CAMTA1: variants seen among roughly 807,000 people sequenced by gnomAD.
CAMTA1 encodes the protein calmodulin-binding transcription activator 1.
A neutral mutation model predicts 170.9 loss-of-function variants in CAMTA1; 27 were observed. The observed-to-expected ratio is 0.16, with a 90% CI of 0.12 to 0.22. The LOEUF (loss-of-function observed/expected upper bound fraction) is 0.22, where lower values mean the gene tolerates loss of function less well. Among genes scored for constraint, CAMTA1 ranks in the 10% least tolerant of loss-of-function variants. The pLI is 1.00. For missense variants in CAMTA1, 1,619 were observed against 2,217.2 expected, an observed-to-expected ratio of 0.73 and a Z score of 5.42; for synonymous variants, 833 against 891.5, an observed-to-expected ratio of 0.93 and a Z score of 1.17.
intron 6 of CAMTA1, among the ~76,000 whole-genome samples, chr1:7,470,189 C>T (rs972732257): frequency 5.9e-5 from 9 of 152,210 alleles, no homozygotes; most frequent in Admixed American, 5.9e-4. Flanking sequence ...AGAGGGAGCG[C>T]ACACAGGTGT....
intron 3 of CAMTA1, among the ~76,000 whole-genome samples, chr1:6,975,907 T>C (rs1693337866): frequency 6.6e-6 from 1 of 152,212 alleles, no homozygotes; most frequent in Non-Finnish European, 1.5e-5. Flanking sequence ...TAGTGCAGTA[T>C]GTGGCCTTTG....
At chr1:7,270,222 CATATATAT>C (rs945850518) in intron 5 of CAMTA1, among the ~76,000 whole-genome samples, 20 of 105,084 alleles carry the variant, frequency 1.9e-4, no homozygotes, top group South Asian at 1.8e-3. Context: ...TACATATATA[CATATATAT>C]ACACATATAT....
chr1:6,967,280 GA>G (rs1691730175), intron 3 of CAMTA1, among the ~76,000 whole-genome samples: 1 of 151,212 alleles, frequency 6.6e-6, no homozygotes, highest in Non-Finnish European at 1.5e-5. Flanking sequence ...AAGCCCATTG[GA>G]ACCCACCTGA....
intron 4 of CAMTA1, among the ~76,000 whole-genome samples, chr1:7,157,587 A>G (rs75093343): frequency 0.037 from 5,590 of 152,236 alleles, 332 homozygotes; most frequent in African/African-American, 0.13. Flanking sequence ...AGCTTCATAC[A>G]TTATTGATGG....
At chr1:7,372,853 A>C (rs1171399906) in intron 5 of CAMTA1, among the ~76,000 whole-genome samples, 1 of 152,206 alleles carries the variant, frequency 6.6e-6, no homozygotes, top group Admixed American at 6.5e-5. Context: ...AGCCGCCCGC[A>C]TAGCCACCAT....
chr1:7,621,318 A>G (rs2095596795), intron 6 of CAMTA1, among the ~76,000 whole-genome samples: 1 of 152,218 alleles, frequency 6.6e-6, no homozygotes, highest in Non-Finnish European at 1.5e-5. Context: ...TCACAGTGAC[A>G]GGCCACAGCC....
intron 4 of CAMTA1, among the ~76,000 whole-genome samples, chr1:7,153,514 C>T (rs1362324556): frequency 6.6e-6 from 1 of 152,126 alleles, no homozygotes. Context: ...CAGAAGGAGG[C>T]TCTGTTTCCT....
chr1:7,126,770 T>G (rs1336909776), intron 4 of CAMTA1, among the ~76,000 whole-genome samples: 2 of 152,152 alleles, frequency 1.3e-5, no homozygotes, highest in Non-Finnish European at 2.9e-5. Flanking sequence ...GGACTGCCAT[T>G]TCTTTTTTAT....
intron 3 of CAMTA1, among the ~76,000 whole-genome samples, chr1:7,073,229 T>G (rs181595816): frequency 6.6e-6 from 1 of 151,750 alleles, no homozygotes; most frequent in East Asian, 1.9e-4. Flanking sequence ...TCTACTGAGG[T>G]GGGGGGAAGC....
chr1:7,103,897 C>T (rs1350747912), intron 4 of CAMTA1, among the ~76,000 whole-genome samples: 1 of 148,106 alleles, frequency 6.8e-6, no homozygotes, highest in African/African-American at 2.5e-5. Flanking sequence ...ACACACAACA[C>T]ACAACTACAC....
At chr1:6,845,738 G>A (rs559059928) in intron 3 of CAMTA1, among the ~76,000 whole-genome samples, 18 of 152,298 alleles carry the variant, frequency 1.2e-4, no homozygotes, top group South Asian at 4.1e-4. Context: ...AAGCTAGAGC[G>A]TAGTAACTAA....
chr1:7,373,030 C>T (rs1243764083), intron 5 of CAMTA1, among the ~76,000 whole-genome samples: 1 of 152,186 alleles, frequency 6.6e-6, no homozygotes, highest in Non-Finnish European at 1.5e-5. Flanking sequence ...CTTGCCAGCT[C>T]CTTCCACCCC....
intron 3 of CAMTA1, among the ~76,000 whole-genome samples, chr1:7,034,366 G>T (rs1703262649): frequency 6.6e-6 from 1 of 152,116 alleles, no homozygotes; most frequent in African/African-American, 2.4e-5. Context: ...ATCTTGGCCG[G>T]GCTGGTCTTG....
In CAMTA1 at chr1:7,736,218, T is replaced by TTA; in HGVS notation, c.3067-125_3067-124insAT. 1.2e-6 allele frequency: 1 copy of TTA among 830,428 alleles called. No homozygotes were observed. Among genetic ancestry groups the TTA allele is most frequent in the Non-Finnish European group, 1.9e-6 (1 of 530,572 alleles). 51.4% of individuals were successfully genotyped at this position (830,428 alleles called of 1,614,324 possible). A position where few individuals can be genotyped will look rare whatever the true frequency, so the allele number is the denominator to read the frequency against. ...GCATGCCCAGCCAATGTTTCTTTAT[T>TTA]TTCAGTGTTTTATGTTTTCCGTTGT... On this transcript the variant is annotated intron_variant, in intron 12 of 22. Coordinates refer to ENST00000303635, the MANE Select transcript of CAMTA1 (RefSeq NM_015215.4). This position sits in a 1 kb window ranked among gnomAD's most constrained non-coding sequence, Gnocchi z 4.5.
intron 3 of CAMTA1, among the ~76,000 whole-genome samples, chr1:7,037,510 C>T (rs974033603): frequency 3.3e-5 from 5 of 152,040 alleles, no homozygotes; most frequent in African/African-American, 4.8e-5. Flanking sequence ...TATGCTACTT[C>T]GAAAAATGGA....
At chr1:7,291,265 G>A (rs1293361846) in intron 5 of CAMTA1, among the ~76,000 whole-genome samples, 2 of 152,108 alleles carry the variant, frequency 1.3e-5, no homozygotes, top group African/African-American at 4.8e-5. Context: ...ATCATCCATC[G>A]TGCTGGAGTG....
intron 10 of CAMTA1, among the ~76,000 whole-genome samples, chr1:7,672,944 G>C (rs1007053034): frequency 2.9e-4 from 44 of 152,302 alleles, no homozygotes; most frequent in Admixed American, 2.9e-3. Flanking sequence ...TGCTCGGCCT[G>C]GAGCACAGCC....
intron 5 of CAMTA1, among the ~76,000 whole-genome samples, chr1:7,464,643 C>G (rs1575467258): frequency 6.6e-6 from 1 of 152,132 alleles, no homozygotes; most frequent in Non-Finnish European, 1.5e-5. Context: ...GGCTGCTTTT[C>G]CTGCTGCTGT....
Position 6,922,686 on chromosome 1 carries a change from A to G in CAMTA1, c.234+97476A>G, listed in dbSNP as rs778848784. ...CACGGCATCCCTCCTGCCGAGTTCT[A>G]TTAGTTACAAGTGAGCCATTAAGGC... is the stretch of plus-strand genomic sequence containing the variant. On this transcript the variant is annotated intron_variant, in intron 3 of 22. Coordinates refer to ENST00000303635, the MANE Select transcript of CAMTA1 (RefSeq NM_015215.4). Among the ~76,000 whole-genome samples the G allele has an allele frequency of 1.2e-4, 18 of 152,232 alleles. 1 individual carries two copies. The highest frequency in any genetic ancestry group is 1.0e-3 in the South Asian group (5 of 4,800).
Sources: allele counts gnomAD v4.1 joint callset (sites outside exome capture counted in the v4.1 genomes callset), GRCh38; gene constraint gnomAD v4.1.1; non-coding constraint Gnocchi (gnomAD v3.1); transcripts MANE v1.5; gene names NCBI Gene and HGNC (gene_info 2026-07-23, HGNC 2026-07-21).